PTP4A1: variants seen among roughly 807,000 people sequenced by gnomAD.
PTP4A1 encodes protein tyrosine phosphatase type IVA 1.
Under a neutral mutation model 20.5 loss-of-function variants are expected in PTP4A1, and 9 were observed. The observed-to-expected ratio is 0.44, with a 90% CI of 0.26 to 0.77. The LOEUF (loss-of-function observed/expected upper bound fraction) is 0.77, where lower values mean the gene tolerates loss of function less well. PTP4A1 is among the 30% of genes least tolerant of loss of function. The probability of loss-of-function intolerance (pLI) is 0.19; values close to 1 mark genes in which losing one functional copy is unlikely to be tolerated. For synonymous variants in PTP4A1, 78 were observed against 67.4 expected (o/e 1.16, Z -0.77); for missense variants, 137 against 218.8 (o/e 0.63, Z 2.36).
Position 63,562,736 on chromosome 6 carries a change from C to A in PTP4A1, c.-446+12243C>A, listed in dbSNP as rs536514714. 3.0e-4 allele frequency among the ~76,000 whole-genome samples: 46 copies of A among 152,264 alleles called. 1 individual carries two copies. The Middle Eastern group carries it at 0.01, about 34-fold the overall frequency. The stretch of plus-strand genomic sequence containing the variant: ...AAGAGTTTAATTGTTCTCTTAATAC[C>A]TAAATATACAACTTTTAGGAGTCCC... On this transcript the variant is annotated intron_variant, in intron 3 of 3. Coordinates refer to the PTP4A1 transcript ENST00000639568.
chr6:63,572,462 G>C (rs1472115351), upstream of PTP4A1: 1 of 385,336 alleles, frequency 2.6e-6, no homozygotes, highest in Non-Finnish European at 4.6e-6. Context: ...TAAAGGGGAG[G>C]GCTTGTGACG....
intron 2 of PTP4A1, among the ~76,000 whole-genome samples, chr6:63,532,086 A>T (rs1482143754): frequency 6.6e-6 from 1 of 152,176 alleles, no homozygotes; most frequent in Non-Finnish European, 1.5e-5. Flanking sequence ...GGCGTGAGCC[A>T]CCACGCCCGG....
intron 1 of PTP4A1, among the ~76,000 whole-genome samples, chr6:63,524,847 G>C (rs1775090813): frequency 6.6e-6 from 1 of 152,142 alleles, no homozygotes; most frequent in East Asian, 1.9e-4. Flanking sequence ...CATTATATGT[G>C]AATGCGAGAT....
chr6:63,573,561 TG>T (rs1340036947), intron 1 of PTP4A1: 1 of 152,220 alleles, frequency 6.6e-6, no homozygotes, highest in Admixed American at 6.5e-5. Flanking sequence ...GGCGGCCCTC[TG>T]GGGCATTCCG....
rs1775475930 is a variant in PTP4A1, at chr6:63,531,723, T to C, written c.-640+3639T>C. ...CCCAGGCTGGTCTTAACTACTGGACTCAAGTGACCCACCTGTCTTGGCCTC... is the reference window on the plus strand; with the variant it reads ...CCCAGGCTGGTCTTAACTACTGGACCCAAGTGACCCACCTGTCTTGGCCTC... On this transcript the variant is annotated intron_variant, in intron 2 of 3. Coordinates refer to the PTP4A1 transcript ENST00000639568. Among the ~76,000 whole-genome samples the C allele has an allele frequency of 2.0e-5, 3 of 152,008 alleles. No individual in the cohort carries two copies. In the South Asian group the frequency reaches 6.2e-4, roughly 32 times the overall value.
chr6:63,535,606 G>A (rs1775683546), intron 2 of PTP4A1, among the ~76,000 whole-genome samples: 1 of 152,114 alleles, frequency 6.6e-6, no homozygotes, highest in Non-Finnish European at 1.5e-5. Context: ...GATAATATGA[G>A]GTATCGAATG....
intron 3 of PTP4A1, among the ~76,000 whole-genome samples, chr6:63,562,189 T>A: frequency 6.6e-6 from 1 of 151,136 alleles, no homozygotes; most frequent in South Asian, 2.1e-4. Context: ...GACATTAAGA[T>A]ATTTTCTTTT....
upstream of PTP4A1, among the ~76,000 whole-genome samples, chr6:63,520,671 A>G (rs180974438): frequency 1.3e-5 from 2 of 150,640 alleles, no homozygotes; most frequent in Admixed American, 1.3e-4. Context: ...ATAAATAAAT[A>G]AAATGAAAAT....
chr6:63,535,648 A>G (rs941652682), intron 2 of PTP4A1, among the ~76,000 whole-genome samples: 1 of 152,220 alleles, frequency 6.6e-6, no homozygotes, highest in Non-Finnish European at 1.5e-5. Flanking sequence ...ATAAAAATCA[A>G]TGTAATACTT....
intron 3 of PTP4A1, among the ~76,000 whole-genome samples, chr6:63,555,822 T>A (rs1322376104): frequency 1.3e-5 from 2 of 151,860 alleles, no homozygotes; most frequent in Non-Finnish European, 2.9e-5. Context: ...GTCTCCCAAG[T>A]AGCTGGAATT....
At position 63,547,721 on chromosome 6, in the gene PTP4A1, C is replaced by T. The variant is rs532492167; in HGVS notation, c.-639-2579C>T. Among the ~76,000 whole-genome samples the T allele has an allele frequency of 2.0e-5, 3 of 148,698 alleles. No homozygotes were observed. In the East Asian group the frequency reaches 6.1e-4, roughly 30 times the overall value. ...AGAGACGGGGTTTCACCATGTTAGCCAGGATGGTCTCGATCTCCTGACCTC... is the reference window on the plus strand; with the variant it reads ...AGAGACGGGGTTTCACCATGTTAGCTAGGATGGTCTCGATCTCCTGACCTC... On this transcript the variant is annotated intron_variant, in intron 2 of 3. Transcript: ENST00000639568.
chr6:63,555,821 G>A (rs1187395967), intron 3 of PTP4A1, among the ~76,000 whole-genome samples: 2 of 151,222 alleles, frequency 1.3e-5, no homozygotes, highest in Admixed American at 1.3e-4. Context: ...AGTCTCCCAA[G>A]TAGCTGGAAT....
chr6:63,528,758 GTC>G (rs1030643047), intron 2 of PTP4A1, among the ~76,000 whole-genome samples: 13 of 150,094 alleles, frequency 8.7e-5, no homozygotes, highest in African/African-American at 3.2e-4. Context: ...GTGAGACCCT[GTC>G]TCAAAAAAAA....
intron 3 of PTP4A1, among the ~76,000 whole-genome samples, chr6:63,558,642 A>G (rs1336213915): frequency 1.3e-5 from 2 of 152,230 alleles, no homozygotes; most frequent in Non-Finnish European, 2.9e-5. Context: ...AGCTCAGAAG[A>G]GAAGACTTTA....
chr6:63,572,649 G>T lies in PTP4A1; in HGVS notation c.-516G>T. 1 of 413,724 alleles carries T rather than the reference G, an allele frequency of 2.4e-6. No individual in the cohort carries two copies. The highest frequency in any genetic ancestry group is 3.5e-5 in the East Asian group (1 of 28,466). The allele number at this position is 413,724 out of a possible 1,614,324, so 25.6% of individuals were successfully genotyped here. On this transcript the variant is annotated 5_prime_UTR_variant, in exon 1 of 6. Transcript: ENST00000626021. ...CTCCTGCCCTGCAGCCACCGCCACC[G>T]CCTGTGTCGCCGCCGCCTCGGGACC...
At chr6:63,523,731 C>G (rs112589212) in intron 1 of PTP4A1, among the ~76,000 whole-genome samples, 1 of 151,820 alleles carries the variant, frequency 6.6e-6, no homozygotes, top group Non-Finnish European at 1.5e-5. Flanking sequence ...ACTTTTTTTG[C>G]GATTTTTTTA....
chr6:63,537,375 G>A (rs1775772057), intron 2 of PTP4A1, among the ~76,000 whole-genome samples: 1 of 152,210 alleles, frequency 6.6e-6, no homozygotes, highest in African/African-American at 2.4e-5. Flanking sequence ...GCAGGATAAA[G>A]AGGAAAAACC....
intron 3 of PTP4A1, among the ~76,000 whole-genome samples, chr6:63,558,562 T>C (rs1268382622): frequency 1.3e-5 from 2 of 152,172 alleles, no homozygotes; most frequent in African/African-American, 4.8e-5. Flanking sequence ...AGAGAGATTA[T>C]TGGCTCAGCC....
At chr6:63,526,803 G>GTGTATATATA (rs1324842070) in intron 1 of PTP4A1, among the ~76,000 whole-genome samples, 1 of 101,448 alleles carries the variant, frequency 9.9e-6, no homozygotes, top group African/African-American at 4.4e-5. Flanking sequence ...TCTCAAAAAT[G>GTGTATATATA]TATATATATA....
Sources: allele counts gnomAD v4.1 joint callset (sites outside exome capture counted in the v4.1 genomes callset), GRCh38; gene constraint gnomAD v4.1.1; transcripts MANE v1.5; gene names NCBI Gene and HGNC (gene_info 2026-07-23, HGNC 2026-07-21).